FUT8: variants seen among roughly 807,000 people sequenced by gnomAD.
The protein encoded by FUT8 is fucosyltransferase 8.
In FUT8, 29 loss-of-function variants were observed where a neutral mutation model predicts 71.3. The ratio of observed to expected loss-of-function variants is 0.41; its 90% confidence interval spans 0.30 to 0.55. The LOEUF (loss-of-function observed/expected upper bound fraction) is 0.55, where lower values mean the gene tolerates loss of function less well. FUT8 is among the 20% of genes least tolerant of loss of function. FUT8 has a pLI of 0.34. For synonymous variants in FUT8, 254 were observed against 239.3 expected (o/e 1.06, Z -0.57); for missense variants, 544 against 702.1 (o/e 0.77, Z 2.55).
At chr14:65,477,535 T>A (rs1241130423) in intron 2 of FUT8, among the ~76,000 whole-genome samples, 1 of 152,212 alleles carries the variant, frequency 6.6e-6, no homozygotes, top group Admixed American at 6.5e-5. Context: ...TATTTCTATA[T>A]AGAGGAGATT....
At chr14:65,737,691 C>G (rs1269664164) in intron 10 of FUT8, among the ~76,000 whole-genome samples, 3 of 152,080 alleles carry the variant, frequency 2.0e-5, no homozygotes, top group Non-Finnish European at 4.4e-5. Context: ...TAAAGACTAA[C>G]ATTGTTAAAG....
intron 9 of FUT8, among the ~76,000 whole-genome samples, chr14:65,727,541 A>C (rs1398089984): frequency 6.6e-6 from 1 of 152,172 alleles, no homozygotes; most frequent in Non-Finnish European, 1.5e-5. Context: ...CAGGGCACCA[A>C]GTCCCTAGAC....
intron 2 of FUT8, among the ~76,000 whole-genome samples, chr14:65,527,013 A>G (rs986848424): frequency 6.6e-6 from 1 of 151,956 alleles, no homozygotes; most frequent in Non-Finnish European, 1.5e-5. Flanking sequence ...CTTCATTTCA[A>G]CTTTGGTGAA....
At chr14:65,708,248 A>G (rs948949989) in intron 7 of FUT8, among the ~76,000 whole-genome samples, 14 of 152,098 alleles carry the variant, frequency 9.2e-5, no homozygotes, top group African/African-American at 3.4e-4. Context: ...TTCACTTGGC[A>G]CTTCTCCTTC....
chr14:65,440,258 G>A (rs2065633755), intron 1 of FUT8, among the ~76,000 whole-genome samples: 1 of 151,706 alleles, frequency 6.6e-6, no homozygotes, highest in Admixed American at 6.6e-5. Context: ...GGTATTTAGA[G>A]GAATAAATTC....
chr14:65,511,504 C>T (rs1032417697), intron 2 of FUT8, among the ~76,000 whole-genome samples: 1 of 152,138 alleles, frequency 6.6e-6, no homozygotes, highest in Non-Finnish European at 1.5e-5. Flanking sequence ...AAATCTCCAG[C>T]TATTATTGTA....
intron 7 of FUT8, among the ~76,000 whole-genome samples, chr14:65,718,562 G>A (rs886883914): frequency 6.6e-6 from 1 of 152,054 alleles, no homozygotes; most frequent in Non-Finnish European, 1.5e-5. Flanking sequence ...TGACCAGTGA[G>A]GTACCTTCAG....
intron 3 of FUT8, among the ~76,000 whole-genome samples, chr14:65,582,092 C>T (rs1346111276): frequency 6.6e-6 from 1 of 152,070 alleles, no homozygotes; most frequent in African/African-American, 2.4e-5. Flanking sequence ...ATATACTCTG[C>T]AGCATAGAGA....
the FUT8 span, among the ~76,000 whole-genome samples, chr14:65,370,059 G>T: frequency 6.6e-6 from 1 of 151,626 alleles, no homozygotes. Context: ...AATGATAGAT[G>T]CTAGTATTAT....
intron 7 of FUT8, among the ~76,000 whole-genome samples, chr14:65,709,937 C>G (rs768562294): frequency 2.0e-5 from 3 of 152,212 alleles, no homozygotes; most frequent in Non-Finnish European, 4.4e-5. Context: ...ATCCAAACCA[C>G]AAAATCACAT....
At chr14:65,412,405 A>T, upstream of FUT8, 1 of 449,006 alleles carries the variant, frequency 2.2e-6, no homozygotes, top group South Asian at 1.6e-5. Flanking sequence ...GGAGCACAGC[A>T]TTCTCTGGAG....
chr14:65,410,782 T>G (rs1165877582), upstream of FUT8: 1 of 152,168 alleles, frequency 6.6e-6, no homozygotes, highest in Non-Finnish European at 1.5e-5. Context: ...TTTTAAATTT[T>G]ATTTTTAATT....
chr14:65,358,197 A>C, the FUT8 span, among the ~76,000 whole-genome samples: 1 of 152,346 alleles, frequency 6.6e-6, no homozygotes, highest in Non-Finnish European at 1.5e-5. Flanking sequence ...TTTGAGTATT[A>C]TTACAAAGAA....
In FUT8 at chr14:65,643,782, G is replaced by T. The variant is rs1200590584; in HGVS notation, c.597+14176G>T. ...TTGAGAGTAGCAACACCCAGTAGAG[G>T]TTTTATCCTTTTAACTTTCTTGAAT... On this transcript the variant is annotated intron_variant, in intron 6 of 10. Coordinates refer to ENST00000673929, the MANE Select transcript of FUT8 (RefSeq NM_001371533.1). The surrounding 1 kb of genome is among the most constrained non-coding windows in gnomAD (Gnocchi z 4.5). 6.7e-6 allele frequency among the ~76,000 whole-genome samples: 1 copy of T among 150,018 alleles called. No individual in the cohort carries two copies. Among genetic ancestry groups the T allele is most frequent in the African/African-American group, 2.5e-5 (1 of 40,576 alleles).
chr14:65,676,048 C>A (rs1265090251), intron 7 of FUT8, among the ~76,000 whole-genome samples: 1 of 152,038 alleles, frequency 6.6e-6, no homozygotes, highest in African/African-American at 2.4e-5. Flanking sequence ...CCTGTCTCCC[C>A]AGATCCCCAT....
At chr14:65,369,789 T>C in the FUT8 span, among the ~76,000 whole-genome samples, 1 of 152,198 alleles carries the variant, frequency 6.6e-6, no homozygotes, top group African/African-American at 2.4e-5. The surrounding 1 kb of genome is among the most constrained non-coding windows in gnomAD (Gnocchi z 4.6). Flanking sequence ...TCATGAATAA[T>C]CTACCCCTTG....
At chr14:65,714,083 C>T (rs893612339) in intron 7 of FUT8, among the ~76,000 whole-genome samples, 1 of 152,202 alleles carries the variant, frequency 6.6e-6, no homozygotes, top group African/African-American at 2.4e-5. Flanking sequence ...CATTCCTGAG[C>T]ATATGGATAT....
chr14:65,370,414 C>T, the FUT8 span, among the ~76,000 whole-genome samples: 1 of 151,372 alleles, frequency 6.6e-6, no homozygotes, highest in Non-Finnish European at 1.5e-5. Flanking sequence ...TTCACCGTGT[C>T]AGCCAGGATG....
chr14:65,403,730 A>G, the FUT8 span, among the ~76,000 whole-genome samples: 1 of 109,256 alleles, frequency 9.2e-6, no homozygotes, highest in Non-Finnish European at 1.9e-5. Context: ...TCATACTGAT[A>G]GTGGTTAATT....
Sources: gnomAD v4.1 joint callset for allele counts (sites outside exome capture counted in the v4.1 genomes callset) on GRCh38, gnomAD v4.1.1 for gene constraint, Gnocchi (gnomAD v3.1) non-coding constraint, MANE v1.5 for transcripts, NCBI Gene and HGNC (gene_info 2026-07-23, HGNC 2026-07-21) for gene names.